PCDH15: variants seen among roughly 807,000 people sequenced by gnomAD.
PCDH15 encodes protocadherin related 15.
In PCDH15, 129 loss-of-function variants were observed where a neutral mutation model predicts 178.5. The observed-to-expected ratio is 0.72, with a 90% CI of 0.63 to 0.84. PCDH15 has a LOEUF of 0.84. Among genes scored for constraint, PCDH15 ranks in the 40% least tolerant of loss-of-function variants. The pLI is 0.00. For synonymous variants in PCDH15, 800 were observed against 732.0 expected (o/e 1.09, Z -1.50); for missense variants, 2,230 against 2,099.9 (o/e 1.06, Z -1.21).
chr10:54,833,550 G>A (rs955446076), intron 3 of PCDH15, among the ~76,000 whole-genome samples: 1 of 152,118 alleles, frequency 6.6e-6, no homozygotes, highest in African/African-American at 2.4e-5. Context: ...TTGCACCATG[G>A]ATTTCAGATT....
chr10:54,150,844 C>A (rs2133305433), intron 14 of PCDH15, among the ~76,000 whole-genome samples: 1 of 151,994 alleles, frequency 6.6e-6, no homozygotes, highest in South Asian at 2.1e-4. Flanking sequence ...AAGAAAAGTA[C>A]AGACTAATTT....
intron 14 of PCDH15, among the ~76,000 whole-genome samples, chr10:54,140,803 C>T (rs2043336546): frequency 6.6e-6 from 1 of 152,104 alleles, no homozygotes; most frequent in Admixed American, 6.5e-5. Context: ...CTGCCTCAGC[C>T]TCAGTCCTCA....
chr10:55,482,806 T>C (rs1398112952), intron 2 of PCDH15, among the ~76,000 whole-genome samples: 1 of 151,800 alleles, frequency 6.6e-6, no homozygotes, highest in Non-Finnish European at 1.5e-5. Context: ...TTTGAAATGA[T>C]CTTCTCCTGG....
At chr10:54,739,476 AC>A (rs1329476531) in intron 1 of PCDH15, among the ~76,000 whole-genome samples, 2 of 151,792 alleles carry the variant, frequency 1.3e-5, no homozygotes, top group Non-Finnish European at 2.9e-5. Flanking sequence ...AAGAATTAAC[AC>A]AGTTAAAATG....
At chr10:54,490,503 A>T (rs2079493365) in intron 3 of PCDH15, among the ~76,000 whole-genome samples, 1 of 151,738 alleles carries the variant, frequency 6.6e-6, no homozygotes, top group South Asian at 2.1e-4. Flanking sequence ...TAATGTCTCA[A>T]AAATAAATAA....
chr10:54,787,655 A>C (rs369634571), intron 1 of PCDH15, among the ~76,000 whole-genome samples: 63 of 152,008 alleles, frequency 4.1e-4, no homozygotes, highest in African/African-American at 1.3e-3. Context: ...GGGCAGAAAA[A>C]CATTCAGGAA....
intron 3 of PCDH15, among the ~76,000 whole-genome samples, chr10:54,458,732 G>C (rs150899547): frequency 6.6e-5 from 10 of 152,190 alleles, no homozygotes; most frequent in African/African-American, 1.9e-4. Flanking sequence ...TTCAGTGACT[G>C]AACTCAACAG....
chr10:54,221,044 T>C (rs574296965), intron 9 of PCDH15, among the ~76,000 whole-genome samples: 1 of 152,164 alleles, frequency 6.6e-6, no homozygotes, highest in South Asian at 2.1e-4. Context: ...AAACAAAAAA[T>C]TAGCCGGGCG....
At chr10:54,296,277 A>T (rs372667065) in intron 8 of PCDH15, among the ~76,000 whole-genome samples, 1 of 152,050 alleles carries the variant, frequency 6.6e-6, no homozygotes. Flanking sequence ...TTTGCCTGGA[A>T]CCAGCTTCCA....
At chr10:54,477,700 A>G (rs562144214) in intron 3 of PCDH15, among the ~76,000 whole-genome samples, 25 of 152,300 alleles carry the variant, frequency 1.6e-4, no homozygotes, top group African/African-American at 2.6e-4. Flanking sequence ...GGGTTCAACA[A>G]TTCTCACGCC....
At chr10:54,208,383 A>G (rs1302809829) in intron 10 of PCDH15, among the ~76,000 whole-genome samples, 2 of 152,030 alleles carry the variant, frequency 1.3e-5, no homozygotes, top group Non-Finnish European at 2.9e-5. Flanking sequence ...CTCCAAATTC[A>G]TATGTTGAAA....
At chr10:54,895,624 C>T (rs1220237688) in intron 3 of PCDH15, among the ~76,000 whole-genome samples, 1 of 152,102 alleles carries the variant, frequency 6.6e-6, no homozygotes, top group African/African-American at 2.4e-5. Flanking sequence ...AATAATACGC[C>T]TAAAAGAGGC....
intron 2 of PCDH15, among the ~76,000 whole-genome samples, chr10:55,433,262 A>G (rs1430584371): frequency 6.6e-6 from 1 of 152,218 alleles, no homozygotes; most frequent in African/African-American, 2.4e-5. Flanking sequence ...TGAATACTAC[A>G]CAATCGTAAT....
chr10:54,563,533 G>T (rs2088539969), intron 2 of PCDH15, among the ~76,000 whole-genome samples: 1 of 152,110 alleles, frequency 6.6e-6, no homozygotes, highest in Admixed American at 6.6e-5. Flanking sequence ...TAAGTTATTG[G>T]CTCTGGCAGC....
intron 2 of PCDH15, among the ~76,000 whole-genome samples, chr10:54,983,155 A>G (rs987164967): frequency 6.6e-6 from 1 of 152,184 alleles, no homozygotes; most frequent in African/African-American, 2.4e-5. Flanking sequence ...TAATTTAAAT[A>G]TTATAAATAT....
chr10:53,847,580 T>C (rs1443180231), intron 28 of PCDH15, among the ~76,000 whole-genome samples: 1 of 152,128 alleles, frequency 6.6e-6, no homozygotes, highest in Non-Finnish European at 1.5e-5. Flanking sequence ...TTTCCTCTAA[T>C]CTGGAATTAG....
intron 32 of PCDH15, chr10:53,825,198 C>A: frequency 6.6e-7 from 1 of 1,508,442 alleles, no homozygotes; most frequent in Non-Finnish European, 8.9e-7. Context: ...GAAGTTTTTA[C>A]TAGAGTTAAT....
In PCDH15 at chr10:55,506,051, G is replaced by A. The variant is rs1213843314; in HGVS notation, c.-156+121574C>T. Among the ~76,000 whole-genome samples, 2 of 151,400 alleles carry A rather than the reference G, an allele frequency of 1.3e-5. 1 individual carries two copies. Among genetic ancestry groups the A allele is most frequent in the African/African-American group, 4.8e-5 (2 of 41,350 alleles). ...CATGAAAATGTTGTAAAAATAGCATGAAAGACTTTAAACACATGAATGATA... is the reference window on the plus strand; with the variant it reads ...CATGAAAATGTTGTAAAAATAGCATAAAAGACTTTAAACACATGAATGATA... On this transcript the variant is annotated intron_variant, in intron 2 of 5. Coordinates refer to the PCDH15 transcript ENST00000613346.
intron 15 of PCDH15, among the ~76,000 whole-genome samples, chr10:54,105,279 T>TATATATATAG (rs2136195465): frequency 8.1e-5 from 1 of 12,382 alleles, no homozygotes; most frequent in East Asian, 4.9e-3. Context: ...TAGATGGAGA[T>TATATATATAG]ATATATATAT....
Sources: allele counts gnomAD v4.1 joint callset (sites outside exome capture counted in the v4.1 genomes callset), GRCh38; gene constraint gnomAD v4.1.1; transcripts MANE v1.5; gene names NCBI Gene and HGNC (gene_info 2026-07-23, HGNC 2026-07-21).